The following SELE variants were observed in gnomAD, a reference collection of about 807,000 sequenced individuals.
The protein encoded by SELE is E-selectin.
SELE carries 52 observed loss-of-function variants against 75.8 expected under a neutral mutation model. That is an observed-to-expected ratio of 0.69 (90% CI 0.55 to 0.86). SELE has a LOEUF of 0.86. SELE is among the 40% of genes least tolerant of loss of function. SELE has a pLI of 0.00. For synonymous variants in SELE, 285 were observed against 258.7 expected, an observed-to-expected ratio of 1.10 and a Z score of -0.98; for missense variants, 754 against 732.7, an observed-to-expected ratio of 1.03 and a Z score of -0.34.
At chr1:169,730,376 C>A in intron 5 of SELE, 56 bp downstream of exon 5, 1 of 1,369,216 alleles carries the variant, frequency 7.3e-7, no homozygotes, top group Non-Finnish European at 9.8e-7. Context: ...AATCAAAAAA[C>A]AGAAGCAATG....
chr1:169,727,374 C>A lies in SELE; in HGVS notation c.1620G>T (p.Trp540Cys), dbSNP rs1426536302. The A allele has an allele frequency of 1.2e-6, 2 of 1,614,008 alleles. No individual in the cohort carries two copies. Among genetic ancestry groups the A allele is most frequent in the Non-Finnish European group, 8.5e-7 (1 of 1,179,920 alleles). ...CTTCACAGGTAGGTAGCAGGCCAGA[C>A]CAGTGTCCTGTGGCTCCACATGTCC... The part of the protein sequence containing the change: ...AARTCGATGH[W>C]SGLLPTCEAP... The change falls in exon 10 of 14, where the codon TGG (tryptophan) becomes TGT (cysteine). Residue 540 changes from tryptophan (W) to cysteine (C), a missense_variant. Coordinates refer to ENST00000333360, the MANE Select transcript of SELE (RefSeq NM_000450.2).
chr1:169,727,728 C>T lies in SELE; in HGVS notation c.1468+11G>A. 6.2e-7 allele frequency: 1 copy of T among 1,611,754 alleles called. No homozygotes were observed. The highest frequency in any genetic ancestry group is 8.5e-7 in the Non-Finnish European group (1 of 1,178,538). ...GACCTGTACCCTAAAAAAGTCTGCA[C>T]TCAATTCTACCTTGGCAGGAAGGAA... On this transcript the variant is annotated intron_variant, in intron 9 of 13. Transcript: ENST00000333360.
intron 6 of SELE, 29 bp downstream of exon 6, chr1:169,729,459 C>T (rs778476625): frequency 6.8e-6 from 11 of 1,611,314 alleles, no homozygotes; most frequent in South Asian, 1.1e-5. Context: ...AGAATGTTCA[C>T]AGTAAGTCTC....
At chr1:169,729,929 T>A (rs916177374) in intron 5 of SELE, among the ~76,000 whole-genome samples, 29 of 152,000 alleles carry the variant, frequency 1.9e-4, no homozygotes, top group Admixed American at 8.5e-4. Context: ...GGTAAAAATT[T>A]AAAAAAAATA....
In SELE at chr1:169,724,526, G is replaced by A. The variant is rs1648698651; in HGVS notation, c.*16-17C>T. ...CACCTGTTTCTGTAAATATAAACAT[G>A]CATGTCATCAGAACACTTAATATTC... On this transcript the variant is annotated splice_polypyrimidine_tract_variant and intron_variant, in intron 13 of 13. Coordinates refer to ENST00000333360, the MANE Select transcript of SELE (RefSeq NM_000450.2). 1 of 152,148 alleles carries A rather than the reference G, an allele frequency of 6.6e-6. No homozygotes were observed. The highest frequency in any genetic ancestry group is 2.1e-4 in the South Asian group (1 of 4,830). The allele number at this position is 152,148 out of a possible 1,614,324, so 9.4% of individuals were successfully genotyped here. A position where few individuals can be genotyped will look rare whatever the true frequency, so the allele number is the denominator to read the frequency against.
Position 169,723,188 on chromosome 1 carries a change from A to G in SELE, c.*1337T>C, listed in dbSNP as rs1648670241. ...TTGGAATTGTTAAATCTGCTTATAAATAAACATAAATGCTTGCTCACACAG... is the reference window on the plus strand; with the variant it reads ...TTGGAATTGTTAAATCTGCTTATAAGTAAACATAAATGCTTGCTCACACAG... On this transcript the variant is annotated 3_prime_UTR_variant, in exon 14 of 14. Coordinates refer to ENST00000333360, the MANE Select transcript of SELE (RefSeq NM_000450.2). 2 of 152,224 alleles carry G rather than the reference A, an allele frequency of 1.3e-5. No homozygotes were observed. Among genetic ancestry groups the G allele is most frequent in the African/African-American group, 2.4e-5 (1 of 41,466 alleles). The allele number at this position is 152,224 out of a possible 1,614,324, so 9.4% of individuals were successfully genotyped here.
rs902006248 is a variant in SELE at position 169,728,363 on chromosome 1, A to T, written c.1091-117T>A. The T allele has an allele frequency of 3.1e-6, 3 of 958,426 alleles. No homozygotes were observed. The African/African-American group carries it at 5.0e-5, about 16-fold the overall frequency. 59.4% of individuals were successfully genotyped at this position (958,426 alleles called of 1,614,324 possible). On this transcript the variant is annotated intron_variant, in intron 7 of 13. Coordinates refer to ENST00000333360, the MANE Select transcript of SELE (RefSeq NM_000450.2). ...CTTGGAGAACTGAAGATTCTTTATA[A>T]TTCCCTGGACAAATGGGAAGATGGC...
rs1377138510 is a variant in SELE at position 169,733,104 on chromosome 1, G to A, written c.38-106C>T. 11 of 1,143,284 alleles carry A rather than the reference G, an allele frequency of 9.6e-6. No individual in the cohort carries two copies. In the East Asian group the frequency reaches 9.8e-5, roughly 10 times the overall value. 70.8% of individuals were successfully genotyped at this position (1,143,284 alleles called of 1,614,324 possible). A position where few individuals can be genotyped will look rare whatever the true frequency, so the allele number is the denominator to read the frequency against. The stretch of plus-strand genomic sequence containing the variant: ...TATTTTTGGCAATGTTTGTGACATG[G>A]CCCAGACTTTTCTCATCTTTTCAAA... On this transcript the variant is annotated intron_variant, in intron 2 of 13. Transcript: ENST00000333360.
chr1:169,729,488 C>T lies in SELE; in HGVS notation c.901G>A (p.Ala301Thr), dbSNP rs36100651. The change falls in exon 6 of 14, where the codon GCT (alanine) becomes ACT (threonine). Residue 301 changes from alanine (A) to threonine (T), a missense_variant and splice_region_variant. By Grantham distance (58) the Ala-to-Thr change is moderately conservative. Transcript: ENST00000333360. ...AAGTCTCCATGTGGAACAACTCTACCTTTACACGTTGGCTTCTCGTTGTCC... is the reference window on the plus strand; with the variant it reads ...AAGTCTCCATGTGGAACAACTCTACTTTTACACGTTGGCTTCTCGTTGTCC... Reference protein sequence around the residue: ...NWDNEKPTCKAVTCRAVRQPQ... With the variant: ...NWDNEKPTCKTVTCRAVRQPQ... 1 of 1,613,916 alleles carries T rather than the reference C, an allele frequency of 6.2e-7. No homozygotes were observed. Among genetic ancestry groups the T allele is most frequent in the Non-Finnish European group, 8.5e-7 (1 of 1,179,842 alleles).
chr1:169,731,313 A>C (rs947915420), intron 4 of SELE, among the ~76,000 whole-genome samples: 10 of 152,068 alleles, frequency 6.6e-5, no homozygotes, highest in African/African-American at 2.4e-4. Flanking sequence ...AGCTCATCTA[A>C]CTCTCTTAAT....
At position 169,727,737 on chromosome 1, in the gene SELE, A is replaced by G. The variant is rs1558013574; in HGVS notation, c.1468+2T>C. ...CCTAAAAAAGTCTGCACTCAATTCT[A>G]CCTTGGCAGGAAGGAACCTCTTCTG... is the stretch of plus-strand genomic sequence containing the variant. On this transcript the variant is annotated splice_donor_variant, in intron 9 of 13. Coordinates refer to ENST00000333360, the MANE Select transcript of SELE (RefSeq NM_000450.2). LOFTEE classifies it high-confidence loss of function. The G allele has an allele frequency of 6.2e-7, 1 of 1,613,320 alleles. No homozygotes were observed. Among genetic ancestry groups the G allele is most frequent in the Non-Finnish European group, 8.5e-7 (1 of 1,179,544 alleles).
chr1:169,726,632 G>T, intron 11 of SELE, 67 bp downstream of exon 11: 2 of 1,067,488 alleles, frequency 1.9e-6, no homozygotes, highest in South Asian at 1.3e-5. Context: ...GCAAGACCAT[G>T]ACTTATCAAT....
Position 169,726,793 on chromosome 1 carries a change from G to C in SELE, c.1659C>G (p.Ser553=). Residue 553 remains serine (S), a synonymous_variant, in exon 11 of 14, where the codon TCC becomes TCG. Coordinates refer to ENST00000333360, the MANE Select transcript of SELE (RefSeq NM_000450.2). The part of the protein sequence containing the change: ...LLPTCEAPTE[S]NIPLVAGLSA... ...AAAGTCCAGCTACCAAGGGAATGTT[G>C]GACTCAGTGGGAGCTAAGGAAGTAA... 2 of 1,611,824 alleles carry C rather than the reference G, an allele frequency of 1.2e-6. No individual in the cohort carries two copies. Among genetic ancestry groups the C allele is most frequent in the Non-Finnish European group, 1.7e-6 (2 of 1,178,350 alleles).
At position 169,729,344 on chromosome 1, in the gene SELE, T is replaced by C. The variant is rs754605515; in HGVS notation, c.932A>G (p.Gln311Arg). The change falls in exon 7 of 14, where the codon CAG (glutamine) becomes CGG (arginine). Residue 311 changes from glutamine (Q) to arginine (R), a missense_variant. By Grantham distance (43) the Gln-to-Arg change is conservative. Transcript: ENST00000333360. Reference sequence around the variant, plus strand: ...ATGGCTGCACCTCACAGAGCCATTCTGAGGCTGGCGGACGGCCCTGCATGT... The same window carrying C: ...ATGGCTGCACCTCACAGAGCCATTCCGAGGCTGGCGGACGGCCCTGCATGT... ...AVTCRAVRQP[Q>R]NGSVRCSHSP... 1 of 1,614,064 alleles carries C rather than the reference T, an allele frequency of 6.2e-7. No homozygotes were observed. Among genetic ancestry groups the C allele is most frequent in the Non-Finnish European group, 8.5e-7 (1 of 1,179,968 alleles).
At chr1:169,730,713 A>G in intron 4 of SELE, 96 bp from the exon 5 acceptor site, 1 of 528,122 alleles carries the variant, frequency 1.9e-6, no homozygotes, top group Non-Finnish European at 2.9e-6. Flanking sequence ...TTTTTTTTTT[A>G]GTTTAAAAAT....
At position 169,727,928 on chromosome 1, in the gene SELE, C is replaced by G; in HGVS notation, c.1280-1G>C. 6.2e-7 allele frequency: 1 copy of G among 1,612,722 alleles called. No individual in the cohort carries two copies. The highest frequency in any genetic ancestry group is 8.5e-7 in the Non-Finnish European group (1 of 1,179,196). ...TGGTGGACAGCATCGCATCTCACAG[C>G]TGGAACACACGAGAGAGCACTTTAG... is the stretch of plus-strand genomic sequence containing the variant. On this transcript the variant is annotated splice_acceptor_variant, in intron 8 of 13. Coordinates refer to ENST00000333360, the MANE Select transcript of SELE (RefSeq NM_000450.2). LOFTEE classifies it high-confidence loss of function.
In SELE at chr1:169,724,434, G is replaced by T. The variant is rs1344939829; in HGVS notation, c.*91C>A. 6.6e-6 allele frequency: 1 copy of T among 152,194 alleles called. No individual in the cohort carries two copies. The highest frequency in any genetic ancestry group is 2.4e-5 in the African/African-American group (1 of 41,452). 9.4% of individuals were successfully genotyped at this position (152,194 alleles called of 1,614,324 possible). On this transcript the variant is annotated 3_prime_UTR_variant, in exon 14 of 14. Transcript: ENST00000333360. ...GGCATCTGGCATAGTAGGCAAGAAG[G>T]GCCAGAGACCCGAGGAGAGTTATCT...
At chr1:169,727,294 A>G (rs746722638) in intron 10 of SELE, 55 bp downstream of exon 10, 12 of 1,550,674 alleles carry the variant, frequency 7.7e-6, no homozygotes, top group Non-Finnish European at 9.6e-6. Context: ...GTAACAAGAT[A>G]GCTCCCCCTT....
In SELE at chr1:169,730,498, T is replaced by A. The variant is rs141138013; in HGVS notation, c.649A>T (p.Ser217Cys). The change falls in exon 5 of 14, where the codon AGC becomes TGC. Residue 217 changes from serine to cysteine, a missense_variant. Physicochemically the swap from Ser to Cys is moderately radical, Grantham distance 112. Coordinates refer to ENST00000333360, the MANE Select transcript of SELE (RefSeq NM_000450.2). The stretch of plus-strand genomic sequence containing the variant: ...ATACACTGCATGGTCTCCATGCTGC[T>A]TGGCAGGTAACCCCTATCACAGCTG... ...SISCDRGYLP[S>C]SMETMQCMSS... 1 of 1,614,080 alleles carries A rather than the reference T, an allele frequency of 6.2e-7. No individual in the cohort carries two copies. Among genetic ancestry groups the A allele is most frequent in the Non-Finnish European group, 8.5e-7 (1 of 1,179,972 alleles).
Sources: gnomAD v4.1 joint callset for allele counts (sites outside exome capture counted in the v4.1 genomes callset) on GRCh38, gnomAD v4.1.1 for gene constraint, MANE v1.5 for transcripts, NCBI Gene and HGNC (gene_info 2026-07-23, HGNC 2026-07-21) for gene names.